CD74: variants seen among roughly 807,000 people sequenced by gnomAD.
The protein encoded by CD74 is CD74 molecule, also known as HLA class II histocompatibility antigen gamma chain.
A neutral mutation model predicts 37.1 loss-of-function variants in CD74; 20 were observed. That is an observed-to-expected ratio of 0.54 (90% confidence interval 0.38 to 0.78). The LOEUF is 0.78. Among genes scored for constraint, CD74 ranks in the 30% least tolerant of loss-of-function variants. CD74 has a pLI of 0.00. For missense variants in CD74, 338 were observed against 389.5 expected (o/e 0.87, Z 1.11); for synonymous variants, 150 against 152.0 (o/e 0.99, Z 0.10).
At position 150,404,481 on chromosome 5, in the gene CD74, T is replaced by A. The variant is rs1769827272; in HGVS notation, c.625+199A>T. Reference sequence around the variant, plus strand: ...TAGGAACCCTTAGACAAGATGGGGGTGGGTCAGGGGAGGGGGACAGCCAAA... The same window carrying A: ...TAGGAACCCTTAGACAAGATGGGGGAGGGTCAGGGGAGGGGGACAGCCAAA... On this transcript the variant is annotated intron_variant, in intron 6 of 8. Transcript: ENST00000009530. 7.3e-6 allele frequency: 4 copies of A among 549,140 alleles called. No homozygotes were observed. The African/African-American group carries it at 7.8e-5, about 11-fold the overall frequency. 34.0% of individuals were successfully genotyped at this position (549,140 alleles called of 1,614,324 possible).
At chr5:150,409,058 A>T (rs1419036468) in intron 1 of CD74, among the ~76,000 whole-genome samples, 1 of 151,996 alleles carries the variant, frequency 6.6e-6, no homozygotes, top group Non-Finnish European at 1.5e-5. Context: ...CGTCTCTACA[A>T]AAAAATACAA....
rs142317812 is a variant in CD74, at chr5:150,406,280, G to A, written c.420C>T (p.Asp140=). 11 of 1,613,812 alleles carry A rather than the reference G, an allele frequency of 6.8e-6. No homozygotes were observed. Among genetic ancestry groups the A allele is most frequent in the Middle Eastern group, 3.3e-4 (2 of 6,046 alleles). ...NATKYGNMTE[D]HVMHLLQNAD... is the part of the protein sequence containing the mutation. The stretch of plus-strand genomic sequence containing the variant: ...TCACCTGGAGCAGGTGCATCACATG[G>A]TCCTCTGTCATGTTGCCATACTTGG... The change falls in exon 4 of 9, where the codon GAC becomes GAT. Residue 140 remains aspartate (D), a synonymous_variant. Transcript: ENST00000009530.
At position 150,406,866 on chromosome 5, in the gene CD74, T is replaced by G. The variant is rs1486392779; in HGVS notation, c.378+15A>C. ...GATAACCTTGCCCCTCCCACCACCCTGGGGCTGTCCTTACCCCCTGGGGCA... is the reference window on the plus strand; with the variant it reads ...GATAACCTTGCCCCTCCCACCACCCGGGGGCTGTCCTTACCCCCTGGGGCA... On this transcript the variant is annotated intron_variant, in intron 3 of 8. Transcript: ENST00000009530. The G allele has an allele frequency of 3.4e-6, 5 of 1,472,080 alleles. No individual in the cohort carries two copies. The highest frequency in any genetic ancestry group is 4.5e-6 in the Non-Finnish European group (5 of 1,109,464). 91.2% of individuals were successfully genotyped at this position (1,472,080 alleles called of 1,614,324 possible).
Position 150,402,460 on chromosome 5 carries a change from TGG to T in CD74, c.880+101_880+102del, listed in dbSNP as rs1769690963. On this transcript the variant is annotated intron_variant, in intron 8 of 8. Coordinates refer to ENST00000009530, the MANE Select transcript of CD74 (RefSeq NM_001025159.3). This position sits in a 1 kb window ranked among gnomAD's most constrained non-coding sequence, Gnocchi z 4.2. Reference sequence around the variant, plus strand: ...TGTGAAATGGACATCCCAGGAATGTTGGAGAGTGGCCCAGCGTCACACTCCTT... The same window carrying T: ...TGTGAAATGGACATCCCAGGAATGTTAGAGTGGCCCAGCGTCACACTCCTT... 9.4e-7 allele frequency: 1 copy of T among 1,058,732 alleles called. No homozygotes were observed. Among genetic ancestry groups the T allele is most frequent in the Admixed American group, 1.7e-5 (1 of 58,734 alleles). The allele number at this position is 1,058,732 out of a possible 1,614,324, so 65.6% of individuals were successfully genotyped here. A position where few individuals can be genotyped will look rare whatever the true frequency, so the allele number is the denominator to read the frequency against.
In CD74 at chr5:150,407,065, G is replaced by A. The variant is rs1770010331; in HGVS notation, c.298+87C>T. 8 of 1,547,922 alleles carry A rather than the reference G, an allele frequency of 5.2e-6. No individual in the cohort carries two copies. The highest frequency in any genetic ancestry group is 3.6e-5 in the Admixed American group (2 of 56,266). ...AATTCCAAACCGGAGGGAGAGGACA[G>A]TGGGCCCAGCTGGGTGCAGGGATGC... On this transcript the variant is annotated intron_variant, in intron 2 of 8. Transcript: ENST00000009530. This position sits in a 1 kb window ranked among gnomAD's most constrained non-coding sequence, Gnocchi z 4.4.
rs1356857314 is a variant in CD74 at position 150,412,676 on chromosome 5, G to C, written c.74C>G (p.Ser25Cys). 1 of 1,614,046 alleles carries C rather than the reference G, an allele frequency of 6.2e-7. No individual in the cohort carries two copies. The highest frequency in any genetic ancestry group is 1.1e-5 in the South Asian group (1 of 91,080). ...CAGCATGGGCAGTTGCTCATTGTTG[G>C]AGATAAGGTCGCGCTGGTCATCCAT... is the stretch of plus-strand genomic sequence containing the variant. ...PVMDDQRDLI[S>C]NNEQLPMLGR... The change falls in exon 1 of 9, where the codon TCC becomes TGC. Residue 25 changes from serine to cysteine, a missense_variant. Physicochemically the swap from Ser to Cys is moderately radical, Grantham distance 112. Coordinates refer to ENST00000009530, the MANE Select transcript of CD74 (RefSeq NM_001025159.3).
rs111613544 is a variant in CD74, at chr5:150,412,386, G to C, written c.125+239C>G. On this transcript the variant is annotated intron_variant, in intron 1 of 8. Transcript: ENST00000009530. ...TCTCTTCTGCTTTTCAGAAGGAGGCGGTGTGATGCAAGGAAAGTTACAAAC... is the reference window on the plus strand; with the variant it reads ...TCTCTTCTGCTTTTCAGAAGGAGGCCGTGTGATGCAAGGAAAGTTACAAAC... Among the ~76,000 whole-genome samples the C allele has an allele frequency of 2.3e-3, 345 of 152,282 alleles. 2 individuals are homozygous for C. The highest frequency in any genetic ancestry group is 8.1e-3 in the African/African-American group (337 of 41,552).
intron 1 of CD74, among the ~76,000 whole-genome samples, chr5:150,408,683 C>T (rs1770143682): frequency 6.6e-6 from 1 of 152,220 alleles, no homozygotes; most frequent in African/African-American, 2.4e-5. Context: ...TGTTACAGTA[C>T]AGGGGATGTA....
At position 150,402,061 on chromosome 5, in the gene CD74, T is replaced by C. The variant is rs1300910062; in HGVS notation, c.*179A>G. 1 of 1,538,776 alleles carries C rather than the reference T, an allele frequency of 6.5e-7. No homozygotes were observed. Among genetic ancestry groups the C allele is most frequent in the Non-Finnish European group, 8.7e-7 (1 of 1,146,848 alleles). On this transcript the variant is annotated 3_prime_UTR_variant, in exon 9 of 9. Transcript: ENST00000009530. This position sits in a 1 kb window ranked among gnomAD's most constrained non-coding sequence, Gnocchi z 4.2. ...GATTGGGCAGCAGGGCCTTGCTGCA[T>C]TGTTATCTGCTGTTCCGACTTGGTT...
chr5:150,412,598 G>A (rs1770410472), intron 1 of CD74, 27 bp downstream of exon 1: 2 of 1,530,402 alleles, frequency 1.3e-6, no homozygotes, highest in Non-Finnish European at 1.8e-6. Flanking sequence ...CAGGATCGGT[G>A]TGCCCTTTCC....
chr5:150,411,978 T>TTTA (rs1770367110), intron 1 of CD74, among the ~76,000 whole-genome samples: 6 of 152,102 alleles, frequency 3.9e-5, no homozygotes, highest in African/African-American at 1.2e-4. Flanking sequence ...TTATTTATTT[T>TTTA]TTTTGAGACA....
At position 150,405,935 on chromosome 5, in the gene CD74, C is replaced by T. The variant is rs561026255; in HGVS notation, c.441+324G>A. On this transcript the variant is annotated intron_variant, in intron 4 of 8. Transcript: ENST00000009530. Reference sequence around the variant, plus strand: ...GATTACAGGTGACTGCCACCACATCCGGCTAATTTTTGTATTTTTAGTAGA... The same window carrying T: ...GATTACAGGTGACTGCCACCACATCTGGCTAATTTTTGTATTTTTAGTAGA... 4.2e-4 allele frequency: 99 copies of T among 235,112 alleles called. 1 individual carries two copies. Among genetic ancestry groups the T allele is most frequent in the African/African-American group, 1.9e-3 (85 of 45,598 alleles). 14.6% of individuals were successfully genotyped at this position (235,112 alleles called of 1,614,324 possible).
At chr5:150,404,843 G>T (rs1769858805) in intron 5 of CD74, 76 bp from the exon 6 acceptor site, 1 of 1,099,108 alleles carries the variant, frequency 9.1e-7, no homozygotes, top group Admixed American at 2.0e-5. Flanking sequence ...TGCCCCTGGG[G>T]ACAGAAACAT....
rs746121029 is a variant in CD74 at position 150,403,132 on chromosome 5, T to TA, written c.805_806insT (p.His269LeufsTer2). 1 of 1,613,542 alleles carries TA rather than the reference T, an allele frequency of 6.2e-7. No homozygotes were observed. The highest frequency in any genetic ancestry group is 8.5e-7 in the Non-Finnish European group (1 of 1,179,732). ...GTGCCACTGCTTACCACTGCAGTTA[T>TA]GGTGCCCGCGGCTTCTGGTGTTGGG... On this transcript the variant is annotated frameshift_variant, in exon 7 of 9. Coordinates refer to ENST00000009530, the MANE Select transcript of CD74 (RefSeq NM_001025159.3). LOFTEE classifies it high-confidence loss of function. The surrounding 1 kb of genome is among the most constrained non-coding windows in gnomAD (Gnocchi z 4.5).
rs189389016 is a variant in CD74, at chr5:150,411,974, A to T, written c.125+651T>A. Among the ~76,000 whole-genome samples the T allele has an allele frequency of 7.9e-3, 1,194 of 151,910 alleles. 9 individuals carry two copies. Among genetic ancestry groups the T allele is most frequent in the African/African-American group, 0.021 (878 of 41,440 alleles). The stretch of plus-strand genomic sequence containing the variant: ...GTGCAAGGTCTTTATTTATTTATTT[A>T]TTTTTTTTGAGACAGAGTGTCACTG... On this transcript the variant is annotated intron_variant, in intron 1 of 8. Coordinates refer to ENST00000009530, the MANE Select transcript of CD74 (RefSeq NM_001025159.3).
rs2151177276 is a variant in CD74 at position 150,404,749 on chromosome 5, G to A, written c.556C>T (p.His186Tyr). The change falls in exon 6 of 9, where the codon CAC becomes TAC. Residue 186 changes from histidine to tyrosine, a missense_variant. By Grantham distance (83) the His-to-Tyr change is moderately conservative (BLOSUM62 2). Transcript: ENST00000009530. ...CTCATTTCAAACAGGAGCCAATGGT[G>A]CATCCAGCTCTCAAAGACCTAATAC... Reference protein sequence around the residue: ...IDWKVFESWMHHWLLFEMSRH... With the variant: ...IDWKVFESWMYHWLLFEMSRH... The A allele has an allele frequency of 6.3e-7, 1 of 1,582,064 alleles. No homozygotes were observed. The highest frequency in any genetic ancestry group is 8.6e-7 in the Non-Finnish European group (1 of 1,163,304).
chr5:150,407,154 T>C lies in CD74; in HGVS notation c.296A>G (p.Lys99Arg). The change falls in exon 2 of 9, where the codon AAG (lysine) becomes AGG (arginine). Residue 99 changes from lysine (K) to arginine (R), a missense_variant and splice_region_variant. Transcript: ENST00000009530. This position sits in a 1 kb window ranked among gnomAD's most constrained non-coding sequence, Gnocchi z 4.4. The part of the protein sequence containing the change: ...QLENLRMKLP[K>R]PPKPVSKMRM... Reference sequence around the variant, plus strand: ...TCAGGATGTAGGGGTGCACGCACGCTTGGGAAGCTTCATGCGCAGGTTCTC... The same window carrying C: ...TCAGGATGTAGGGGTGCACGCACGCCTGGGAAGCTTCATGCGCAGGTTCTC... 2 of 1,613,498 alleles carry C rather than the reference T, an allele frequency of 1.2e-6. No homozygotes were observed. Among genetic ancestry groups the C allele is most frequent in the Non-Finnish European group, 1.7e-6 (2 of 1,179,704 alleles).
chr5:150,405,044 C>T, intron 5 of CD74, 41 bp downstream of exon 5: 1 of 1,578,096 alleles, frequency 6.3e-7, no homozygotes, highest in Non-Finnish European at 8.7e-7. Flanking sequence ...CCCTAGACAC[C>T]AGAGGAAAGA....
chr5:150,405,032 T>C, intron 5 of CD74, 53 bp downstream of exon 5: 1 of 936,828 alleles, frequency 1.1e-6, no homozygotes, highest in Non-Finnish European at 1.6e-6. Flanking sequence ...CTCCTAGCCC[T>C]GCCCTAGACA....
Sources: gnomAD v4.1 joint callset for allele counts (sites outside exome capture counted in the v4.1 genomes callset) on GRCh38, gnomAD v4.1.1 for gene constraint, Gnocchi (gnomAD v3.1) non-coding constraint, MANE v1.5 for transcripts, NCBI Gene and HGNC (gene_info 2026-07-23, HGNC 2026-07-21) for gene names.